The following ZPBP variants were observed in gnomAD, a reference collection of about 807,000 sequenced individuals.
The protein encoded by ZPBP is zona pellucida binding protein, also known as zona pellucida-binding protein 1.
Under a neutral mutation model 44.8 loss-of-function variants are expected in ZPBP, and 26 were observed. The ratio of observed to expected loss-of-function variants is 0.58; its 90% CI spans 0.43 to 0.81. The LOEUF is 0.81. Ranked by LOEUF, ZPBP falls within the 30% of genes least tolerant of loss-of-function variation. The pLI, the probability that ZPBP is intolerant of heterozygous loss-of-function variation, is 0.00. For synonymous variants in ZPBP, 174 were observed against 153.2 expected (o/e 1.14, Z -1.00); for missense variants, 409 against 434.0 (o/e 0.94, Z 0.51).
At chr7:50,088,263 T>G (rs780893159) in intron 2 of ZPBP, among the ~76,000 whole-genome samples, 7 of 152,042 alleles carry the variant, frequency 4.6e-5, no homozygotes, top group Non-Finnish European at 1.0e-4. Context: ...TTGCACCATA[T>G]GCAAAAATTA....
chr7:49,905,523 ACC>A (rs892912888), intron 1 of ZPBP, among the ~76,000 whole-genome samples: 100 of 152,318 alleles, frequency 6.6e-4, no homozygotes, highest in African/African-American at 2.3e-3. Context: ...TGTGAGGTAA[ACC>A]TTGATTTCTA....
At chr7:50,041,633 C>G (rs768483435) in intron 4 of ZPBP, among the ~76,000 whole-genome samples, 1 of 152,148 alleles carries the variant, frequency 6.6e-6, no homozygotes, top group African/African-American at 2.4e-5. Flanking sequence ...GATGTTCACA[C>G]AAAAACCCCA....
intron 4 of ZPBP, among the ~76,000 whole-genome samples, chr7:50,056,717 C>A (rs994697733): frequency 3.3e-5 from 5 of 152,304 alleles, no homozygotes; most frequent in African/African-American, 2.4e-5. Context: ...ACTTTAAGTT[C>A]CAGCTCCCTT....
At chr7:49,859,657 T>C (rs1790567606) in intron 2 of ZPBP, among the ~76,000 whole-genome samples, 1 of 152,258 alleles carries the variant, frequency 6.6e-6, no homozygotes, top group African/African-American at 2.4e-5. Context: ...CTGTGCTCTC[T>C]AAAGTGCTAT....
At chr7:49,858,387 G>A (rs112578602) in intron 2 of ZPBP, among the ~76,000 whole-genome samples, 2 of 152,218 alleles carry the variant, frequency 1.3e-5, no homozygotes, top group Non-Finnish European at 2.9e-5. Context: ...AAAAAAGGAT[G>A]AGTTCATGTC....
intron 7 of ZPBP, among the ~76,000 whole-genome samples, chr7:49,972,321 T>C (rs935566936): frequency 2.6e-5 from 4 of 151,984 alleles, no homozygotes; most frequent in African/African-American, 7.2e-5. Context: ...GATGACATTA[T>C]CTTTTTTGTA....
intron 2 of ZPBP, among the ~76,000 whole-genome samples, chr7:49,877,878 T>A (rs1227636890): frequency 6.6e-6 from 1 of 152,108 alleles, no homozygotes; most frequent in African/African-American, 2.4e-5. Context: ...TTTGTCATCA[T>A]CTTCCTGACC....
intron 3 of ZPBP, among the ~76,000 whole-genome samples, chr7:50,058,476 C>T (rs1431176299): frequency 1.3e-5 from 2 of 152,116 alleles, no homozygotes; most frequent in Admixed American, 1.3e-4. Context: ...AATACATACA[C>T]ATACATATAT....
At chr7:49,880,822 A>G (rs923954336) in intron 2 of ZPBP, among the ~76,000 whole-genome samples, 1 of 152,120 alleles carries the variant, frequency 6.6e-6, no homozygotes, top group African/African-American at 2.4e-5. Context: ...TGGCTTCATT[A>G]TGCCACGGGA....
intron 3 of ZPBP, among the ~76,000 whole-genome samples, chr7:50,079,354 T>C (rs952416326): frequency 1.3e-5 from 2 of 151,690 alleles, no homozygotes; most frequent in African/African-American, 2.4e-5. Flanking sequence ...AAAATTAATA[T>C]GTGTAAATTG....
chr7:49,994,069 T>C (rs1030970643), intron 6 of ZPBP, among the ~76,000 whole-genome samples: 1 of 152,182 alleles, frequency 6.6e-6, no homozygotes, highest in Non-Finnish European at 1.5e-5. Flanking sequence ...TCTTCCCTAG[T>C]CACTGAATAT....
intron 2 of ZPBP, among the ~76,000 whole-genome samples, chr7:50,083,422 T>C (rs775732191): frequency 2.0e-5 from 3 of 151,936 alleles, no homozygotes; most frequent in Non-Finnish European, 4.4e-5. Context: ...ACTTTAAAGA[T>C]GTCAATTTAT....
intron 7 of ZPBP, among the ~76,000 whole-genome samples, chr7:49,952,189 T>G (rs1795372158): frequency 6.6e-6 from 1 of 151,924 alleles, no homozygotes; most frequent in South Asian, 2.1e-4. Flanking sequence ...ATTAAATTGT[T>G]CACATTAAAA....
intron 7 of ZPBP, chr7:49,943,622 C>T: frequency 3.0e-6 from 1 of 331,226 alleles, no homozygotes; most frequent in South Asian, 2.9e-5. Flanking sequence ...AAGGAGAGGA[C>T]AGCAACCCAT....
intron 3 of ZPBP, among the ~76,000 whole-genome samples, chr7:50,068,233 G>T (rs1801635262): frequency 6.6e-6 from 1 of 152,170 alleles, no homozygotes; most frequent in African/African-American, 2.4e-5. Context: ...TTGGACGCCA[G>T]GTGGTTGGAG....
At chr7:49,987,804 G>T (rs1332594684) in intron 6 of ZPBP, among the ~76,000 whole-genome samples, 1 of 150,810 alleles carries the variant, frequency 6.6e-6, no homozygotes, top group African/African-American at 2.4e-5. Context: ...CTAATTAACT[G>T]ATTTGAAGGA....
At chr7:49,882,213 C>T (rs1448003160) in intron 2 of ZPBP, among the ~76,000 whole-genome samples, 1 of 152,056 alleles carries the variant, frequency 6.6e-6, no homozygotes, top group Non-Finnish European at 1.5e-5. Context: ...GGAAGTAACA[C>T]TTTTTTGTTT....
intron 6 of ZPBP, among the ~76,000 whole-genome samples, chr7:50,006,812 C>T (rs779245803): frequency 1.3e-4 from 19 of 151,666 alleles, no homozygotes; most frequent in Non-Finnish European, 2.5e-4. Flanking sequence ...AGCTAGATTA[C>T]CTAAGAAAAA....
chr7:50,016,469 C>T (rs1409461633), intron 6 of ZPBP, among the ~76,000 whole-genome samples: 1 of 151,914 alleles, frequency 6.6e-6, no homozygotes, highest in Admixed American at 6.6e-5. Context: ...ATCTGGGTGG[C>T]AAAATTATTT....
Sources: allele counts gnomAD v4.1 joint callset (sites outside exome capture counted in the v4.1 genomes callset), GRCh38; gene constraint gnomAD v4.1.1; transcripts MANE v1.5; gene names NCBI Gene and HGNC (gene_info 2026-07-23, HGNC 2026-07-21).